The following AKAP9 variants were observed in gnomAD, a reference collection of about 807,000 sequenced individuals.
AKAP9 encodes A-kinase anchor protein 9.
In AKAP9, 311 loss-of-function variants were observed where a neutral mutation model predicts 488.5. The observed-to-expected ratio is 0.64, with a 90% CI of 0.58 to 0.70. The LOEUF (loss-of-function observed/expected upper bound fraction) is 0.70. Among genes scored for constraint, AKAP9 ranks in the 30% least tolerant of loss-of-function variants. AKAP9 has a pLI of 0.00. For synonymous variants in AKAP9, 1,462 were observed against 1,483.5 expected (o/e 0.99, Z 0.33); for missense variants, 4,215 against 4,374.5 (o/e 0.96, Z 1.03).
intron 5 of AKAP9, among the ~76,000 whole-genome samples, chr7:91,993,608 C>G (rs1340992671): frequency 2.0e-5 from 3 of 152,128 alleles, no homozygotes; most frequent in Non-Finnish European, 4.4e-5. Flanking sequence ...AAAAATCAAA[C>G]AGAAAAGTAA....
Position 92,101,098 on chromosome 7 carries a change from G to A in AKAP9, c.11097+42G>A, listed in dbSNP as rs762000870. ...ATCTAAACATCACAGCTGGTTCTAT[G>A]TTTTTGCCTTCTTTCATCTCTCACT... On this transcript the variant is annotated intron_variant, in intron 45 of 49. Transcript: ENST00000356239. 4.4e-6 allele frequency: 7 copies of A among 1,585,390 alleles called. No individual in the cohort carries two copies. In the East Asian group the frequency reaches 9.0e-5, roughly 20 times the overall value.
At chr7:91,961,341 G>C (rs1485569765) in intron 1 of AKAP9, among the ~76,000 whole-genome samples, 1 of 151,490 alleles carries the variant, frequency 6.6e-6, no homozygotes, top group African/African-American at 2.4e-5. Flanking sequence ...AGCACACCCA[G>C]CTAATTTTTG....
At chr7:91,972,859 C>T (rs538116984) in intron 1 of AKAP9, among the ~76,000 whole-genome samples, 44 of 152,060 alleles carry the variant, frequency 2.9e-4, no homozygotes, top group Non-Finnish European at 3.7e-4. Flanking sequence ...GATATGTAAA[C>T]GATTAAGGGC....
At chr7:92,031,842 A>G (rs1804309212) in intron 16 of AKAP9, among the ~76,000 whole-genome samples, 1 of 152,224 alleles carries the variant, frequency 6.6e-6, no homozygotes, top group South Asian at 2.1e-4. Flanking sequence ...GAATGCCAAA[A>G]CAAGTCTATG....
intron 15 of AKAP9, among the ~76,000 whole-genome samples, chr7:92,030,398 T>G (rs888044009): frequency 1.3e-5 from 2 of 152,150 alleles, no homozygotes; most frequent in Admixed American, 6.5e-5. Flanking sequence ...ATCCCAGCAC[T>G]TCAGAAGGCC....
chr7:92,109,887 G>A (rs1322184874), intron 49 of AKAP9, among the ~76,000 whole-genome samples: 2 of 152,160 alleles, frequency 1.3e-5, no homozygotes, highest in Non-Finnish European at 2.9e-5. Flanking sequence ...GGAGGCGGGG[G>A]TTGCAGTGAG....
chr7:92,089,369 C>G lies in AKAP9; in HGVS notation c.9214-16C>G, dbSNP rs1192197571. 1.2e-6 allele frequency: 2 copies of G among 1,610,946 alleles called. No homozygotes were observed. Among genetic ancestry groups the G allele is most frequent in the South Asian group, 2.2e-5 (2 of 90,924 alleles). ...TACATTGCTCTTCACTTGTTTTTTA[C>G]CTTCCTTTGTTACAGGGTGTTGAAT... is the stretch of plus-strand genomic sequence containing the variant. On this transcript the variant is annotated splice_polypyrimidine_tract_variant and intron_variant, in intron 37 of 49. Transcript: ENST00000356239.
chr7:91,941,986 A>G (rs1294190729), intron 1 of AKAP9, among the ~76,000 whole-genome samples: 1 of 152,064 alleles, frequency 6.6e-6, no homozygotes, highest in Non-Finnish European at 1.5e-5. Context: ...ATTGGGCTTC[A>G]TGAGAAATTT....
intron 26 of AKAP9, among the ~76,000 whole-genome samples, chr7:92,069,440 A>G (rs897850264): frequency 6.6e-6 from 1 of 152,184 alleles, no homozygotes; most frequent in African/African-American, 2.4e-5. Flanking sequence ...AATTTTTTCA[A>G]CTTGTAAAAT....
chr7:91,960,159 AAAC>A (rs1793557202), intron 1 of AKAP9, among the ~76,000 whole-genome samples: 1 of 152,230 alleles, frequency 6.6e-6, no homozygotes, highest in African/African-American at 2.4e-5. Context: ...CAAAAACAAA[AAAC>A]AGCTCTATTT....
At chr7:92,037,014 G>T (rs1722146430) in intron 16 of AKAP9, among the ~76,000 whole-genome samples, 1 of 152,118 alleles carries the variant, frequency 6.6e-6, no homozygotes, top group Non-Finnish European at 1.5e-5. Flanking sequence ...TGTTTAAGGT[G>T]CTTGAGCTCT....
rs1489521249 is a variant in AKAP9 at position 92,052,788 on chromosome 7, T to G, written c.5431T>G (p.Trp1811Gly). 1.2e-6 allele frequency: 2 copies of G among 1,613,808 alleles called. No individual in the cohort carries two copies. The highest frequency in any genetic ancestry group is 3.3e-5 in the Admixed American group (2 of 60,010). ...TATGCCAAGAAATGACATTAACATG[T>G]GGTCAAAAGTAACTGAGGAAGGAAC... Reference protein sequence around the residue: ...SDMPRNDINMWSKVTEEGTEL... With the variant: ...SDMPRNDINMGSKVTEEGTEL... Residue 1811 changes from tryptophan to glycine, a missense_variant, in exon 22 of 50, where the codon TGG (tryptophan) becomes GGG (glycine). By Grantham distance (184) the Trp-to-Gly change is radical. This residue lies in a region of AKAP9 where 2,361 missense variants were observed against 2,430.0 expected (regional missense o/e 0.97). Coordinates refer to ENST00000356239, the MANE Select transcript of AKAP9 (RefSeq NM_005751.5).
chr7:92,075,615 G>T (rs559773347), intron 28 of AKAP9, among the ~76,000 whole-genome samples: 13 of 152,312 alleles, frequency 8.5e-5, no homozygotes, highest in Non-Finnish European at 1.8e-4. Flanking sequence ...TCGCCATGTG[G>T]CCTGAAAGCA....
chr7:92,026,345 T>TCTCTCTC (rs1803125406), intron 14 of AKAP9, among the ~76,000 whole-genome samples: 1 of 151,868 alleles, frequency 6.6e-6, no homozygotes, highest in South Asian at 2.1e-4. Context: ...TCTTCTCTCT[T>TCTCTCTC]CTCTCTCTTT....
At chr7:91,963,482 TCACACA>T (rs56800758) in intron 1 of AKAP9, among the ~76,000 whole-genome samples, 12,124 of 139,212 alleles carry the variant, frequency 0.087, 800 homozygotes, top group African/African-American at 0.19. Flanking sequence ...AACATATTTG[TCACACA>T]CACACACACA....
intron 14 of AKAP9, among the ~76,000 whole-genome samples, chr7:92,026,649 G>C (rs571118003): frequency 6.6e-6 from 1 of 152,340 alleles, no homozygotes; most frequent in Admixed American, 6.5e-5. Context: ...ATGTTGCCCA[G>C]GCTGGAGTGC....
intron 21 of AKAP9, among the ~76,000 whole-genome samples, chr7:92,048,536 C>T (rs1294485599): frequency 2.0e-5 from 3 of 152,158 alleles, no homozygotes; most frequent in African/African-American, 7.2e-5. Context: ...TGGTTTTATG[C>T]TCACCTCTCC....
At chr7:91,962,040 T>G (rs1370557975) in intron 1 of AKAP9, among the ~76,000 whole-genome samples, 1 of 152,108 alleles carries the variant, frequency 6.6e-6, no homozygotes, top group African/African-American at 2.4e-5. Flanking sequence ...ATAATTGGCT[T>G]CCAAATAACA....
In AKAP9 at chr7:92,079,570, T is replaced by C. The variant is rs1041645507; in HGVS notation, c.7437T>C (p.Asn2479=). The C allele has an allele frequency of 6.2e-7, 1 of 1,613,678 alleles. No homozygotes were observed. Among genetic ancestry groups the C allele is most frequent in the Admixed American group, 1.7e-5 (1 of 59,994 alleles). Residue 2479 remains asparagine (N), a synonymous_variant, in exon 31 of 50, where the codon AAT becomes AAC. Coordinates refer to ENST00000356239, the MANE Select transcript of AKAP9 (RefSeq NM_005751.5). The stretch of plus-strand genomic sequence containing the variant: ...AGGATGCTCTTAAATCCCTAGAAAA[T>C]CAGACATACTTCAAATCTTTTGAAG... ...LTEDALKSLE[N]QTYFKSFEEN...
Sources: gnomAD v4.1 joint callset for allele counts (sites outside exome capture counted in the v4.1 genomes callset) on GRCh38, gnomAD v4.1.1 for gene constraint, gnomAD v4.1.1 regional missense constraint, MANE v1.5 for transcripts, NCBI Gene and HGNC (gene_info 2026-07-23, HGNC 2026-07-21) for gene names.